MYO1D: variants seen among roughly 807,000 people sequenced by gnomAD.
MYO1D encodes the protein myosin ID.
A neutral mutation model predicts 122.0 loss-of-function variants in MYO1D; 83 were observed. The observed-to-expected ratio is 0.68, with a 90% CI of 0.57 to 0.82. The LOEUF (loss-of-function observed/expected upper bound fraction) is 0.82, where lower values mean the gene tolerates loss of function less well. Among genes scored for constraint, MYO1D ranks in the 40% least tolerant of loss-of-function variants. The pLI is 0.00. For synonymous variants in MYO1D, 464 were observed against 446.9 expected, an observed-to-expected ratio of 1.04 and a Z score of -0.48; for missense variants, 1,157 against 1,269.5, an observed-to-expected ratio of 0.91 and a Z score of 1.35.
chr17:32,658,986 A>C (rs1052380674), intron 17 of MYO1D, 129 bp downstream of exon 17: 1 of 900,566 alleles, frequency 1.1e-6, no homozygotes, highest in Non-Finnish European at 1.7e-6. Context: ...CAAAACTGAA[A>C]ACATAAGGTA....
At chr17:32,563,061 T>C (rs2087140071) in intron 21 of MYO1D, among the ~76,000 whole-genome samples, 1 of 152,110 alleles carries the variant, frequency 6.6e-6, no homozygotes. Flanking sequence ...TTATACTGAC[T>C]TGAAGGAAAA....
chr17:32,583,410 T>A (rs911981332), intron 21 of MYO1D, among the ~76,000 whole-genome samples: 4 of 152,188 alleles, frequency 2.6e-5, no homozygotes, highest in Non-Finnish European at 5.9e-5. Context: ...AGGGTTTATA[T>A]AGTTTTCATC....
intron 1 of MYO1D, among the ~76,000 whole-genome samples, chr17:32,866,957 T>C (rs1346412645): frequency 6.6e-6 from 1 of 152,240 alleles, no homozygotes; most frequent in Non-Finnish European, 1.5e-5. Flanking sequence ...TTTCTTTTTC[T>C]GAATTCCCTC....
intron 16 of MYO1D, among the ~76,000 whole-genome samples, chr17:32,685,436 A>T (rs2150970072): frequency 6.6e-6 from 1 of 152,348 alleles, no homozygotes; most frequent in East Asian, 1.9e-4. Context: ...TCATCTTGAG[A>T]GGCTATCTAG....
At chr17:32,872,220 A>C (rs1310511656) in intron 1 of MYO1D, among the ~76,000 whole-genome samples, 1 of 152,168 alleles carries the variant, frequency 6.6e-6, no homozygotes, top group Non-Finnish European at 1.5e-5. Flanking sequence ...AGGAATATAA[A>C]TTGAAGCTCC....
At chr17:32,766,146 CA>C (rs1338905139) in intron 7 of MYO1D, among the ~76,000 whole-genome samples, 2 of 152,120 alleles carry the variant, frequency 1.3e-5, no homozygotes, top group Non-Finnish European at 2.9e-5. Flanking sequence ...TCAAACTTTC[CA>C]AAGTGCTGGG....
In MYO1D at chr17:32,550,320, G is replaced by A. The variant is rs572831585; in HGVS notation, c.2864+54767C>T. ...TCACTGTGTTGGCCAGGCTGGTCTC[G>A]AACTCCTGATCTTAGGTGATCTGCC... is the stretch of plus-strand genomic sequence containing the variant. On this transcript the variant is annotated intron_variant, in intron 21 of 21. Coordinates refer to ENST00000318217, the MANE Select transcript of MYO1D (RefSeq NM_015194.3). Among the ~76,000 whole-genome samples the A allele has an allele frequency of 2.6e-5, 4 of 152,234 alleles. No homozygotes were observed. The South Asian group carries it at 8.3e-4, about 32-fold the overall frequency.
intron 19 of MYO1D, among the ~76,000 whole-genome samples, chr17:32,648,232 AAAAC>A (rs199950353): frequency 0.022 from 3,376 of 152,170 alleles, 104 homozygotes; most frequent in African/African-American, 0.076. Context: ...AACAAAAAAC[AAAAC>A]AAACAAGCCT....
chr17:32,790,777 A>G (rs1355157227), intron 1 of MYO1D, among the ~76,000 whole-genome samples: 1 of 152,242 alleles, frequency 6.6e-6, no homozygotes, highest in East Asian at 1.9e-4. Context: ...GCAAAGAGAG[A>G]GAAGAGGGAG....
At chr17:32,622,627 T>A (rs555255468) in intron 20 of MYO1D, among the ~76,000 whole-genome samples, 1 of 152,196 alleles carries the variant, frequency 6.6e-6, no homozygotes, top group Non-Finnish European at 1.5e-5. Context: ...CATTCAGTTA[T>A]CTGGGAGAAC....
intron 11 of MYO1D, among the ~76,000 whole-genome samples, chr17:32,752,724 C>T (rs765334026): frequency 4.6e-5 from 7 of 152,092 alleles, no homozygotes; most frequent in East Asian, 1.9e-4. Flanking sequence ...AATAAGATAT[C>T]GTCTTATACC....
At chr17:32,774,164 TAA>T (rs1300764913) in intron 4 of MYO1D, among the ~76,000 whole-genome samples, 4 of 152,282 alleles carry the variant, frequency 2.6e-5, no homozygotes, top group African/African-American at 9.6e-5. Flanking sequence ...AATTTCCTCT[TAA>T]AGAGGCGGCT....
chr17:32,621,704 A>T (rs1397391247), intron 20 of MYO1D, among the ~76,000 whole-genome samples: 1 of 151,990 alleles, frequency 6.6e-6, no homozygotes, highest in Non-Finnish European at 1.5e-5. Flanking sequence ...TCTGCTAAGG[A>T]CTGAGAATGT....
chr17:32,772,678 G>A (rs1404214829), intron 5 of MYO1D, 111 bp downstream of exon 5: 5 of 861,804 alleles, frequency 5.8e-6, no homozygotes, highest in East Asian at 2.5e-5. Flanking sequence ...GACATGTTAC[G>A]GGGCCAATGG....
At chr17:32,674,925 T>G (rs2088783945) in intron 16 of MYO1D, among the ~76,000 whole-genome samples, 1 of 152,220 alleles carries the variant, frequency 6.6e-6, no homozygotes, top group Non-Finnish European at 1.5e-5. Flanking sequence ...AAGGCTCCCA[T>G]TTACTTAGGG....
intron 2 of MYO1D, among the ~76,000 whole-genome samples, chr17:32,780,153 C>A (rs993011804): frequency 6.6e-6 from 1 of 152,130 alleles, no homozygotes; most frequent in Admixed American, 6.5e-5. Flanking sequence ...TTGGCCCCCA[C>A]GCCTCAGTAG....
chr17:32,652,998 C>T lies in MYO1D; in HGVS notation c.2595+845G>A, dbSNP rs554090753. ...CTACTAAAGAATACAAAAAATTAGC[C>T]GGGCATGGTGGTGGGCGCCTGTAGT... On this transcript the variant is annotated intron_variant, in intron 19 of 21. Coordinates refer to ENST00000318217, the MANE Select transcript of MYO1D (RefSeq NM_015194.3). Among the ~76,000 whole-genome samples, 15 of 151,972 alleles carry T rather than the reference C, an allele frequency of 9.9e-5. No homozygotes were observed. In the East Asian group the frequency reaches 1.4e-3, roughly 14 times the overall value.
intron 21 of MYO1D, among the ~76,000 whole-genome samples, chr17:32,560,554 T>TATATATATATATATATATATAC (rs2087112613): frequency 8.1e-6 from 1 of 123,988 alleles, no homozygotes; most frequent in Non-Finnish European, 1.7e-5. Context: ...TATATATATA[T>TATATATATATATATATATATAC]ATATATATAT....
chr17:32,853,761 A>G (rs1342923646), intron 1 of MYO1D, among the ~76,000 whole-genome samples: 1 of 152,232 alleles, frequency 6.6e-6, no homozygotes, highest in Non-Finnish European at 1.5e-5. Context: ...CAAATTATGG[A>G]TCTTTTTTTC....
Sources: gnomAD v4.1 joint callset for allele counts (sites outside exome capture counted in the v4.1 genomes callset) on GRCh38, gnomAD v4.1.1 for gene constraint, MANE v1.5 for transcripts, NCBI Gene and HGNC (gene_info 2026-07-23, HGNC 2026-07-21) for gene names.